GPR22: variants seen among roughly 807,000 people sequenced by gnomAD.
The protein encoded by GPR22 is G protein-coupled receptor 22, also known as G-protein coupled receptor 22.
GPR22 carries 13 observed loss-of-function variants against 31.0 expected under a neutral mutation model. The ratio of observed to expected loss-of-function variants is 0.42; its 90% CI spans 0.27 to 0.67. GPR22 has a LOEUF of 0.67. Ranked by LOEUF, GPR22 falls within the 30% of genes least tolerant of loss-of-function variation. GPR22 has a pLI of 0.25. For synonymous variants in GPR22, 191 were observed against 173.4 expected (o/e 1.10, Z -0.80); for missense variants, 368 against 509.6 (o/e 0.72, Z 2.67).
downstream of GPR22, among the ~76,000 whole-genome samples, chr7:107,476,983 C>T (rs186795551): frequency 7.9e-5 from 12 of 151,692 alleles, no homozygotes; most frequent in East Asian, 1.5e-3. Flanking sequence ...AACATAATGT[C>T]AAATCTTGGC....
chr7:107,475,893 C>A (rs183945640), downstream of GPR22, among the ~76,000 whole-genome samples: 37 of 151,260 alleles, frequency 2.4e-4, no homozygotes, highest in African/African-American at 9.0e-4. Context: ...TAATTAAGTA[C>A]GTATGAAGCT....
Position 107,475,460 on chromosome 7 carries a change from G to A in GPR22, c.*98G>A. The A allele has an allele frequency of 1.7e-6, 1 of 603,718 alleles. No homozygotes were observed. The highest frequency in any genetic ancestry group is 2.9e-6 in the Non-Finnish European group (1 of 349,116). 37.4% of individuals were successfully genotyped at this position (603,718 alleles called of 1,614,324 possible). A position where few individuals can be genotyped will look rare whatever the true frequency, so the allele number is the denominator to read the frequency against. On this transcript the variant is annotated 3_prime_UTR_variant, in exon 3 of 3. Coordinates refer to ENST00000304402, the MANE Select transcript of GPR22 (RefSeq NM_005295.3). The stretch of plus-strand genomic sequence containing the variant: ...GCCAAATATAAGAAAAATATTTTAA[G>A]TATTGGTTATGTTGTAAATTTTCAA...
chr7:107,471,062 A>T (rs533128740), intron 1 of GPR22, among the ~76,000 whole-genome samples: 12 of 152,034 alleles, frequency 7.9e-5, no homozygotes, highest in Non-Finnish European at 1.6e-4. Flanking sequence ...ATTGTTCATC[A>T]TCTCTGAAAA....
chr7:107,473,667 T>C (rs1796784501), intron 2 of GPR22, among the ~76,000 whole-genome samples: 1 of 151,944 alleles, frequency 6.6e-6, no homozygotes. Flanking sequence ...TCACAACATT[T>C]AAATGAAATT....
rs1168918134 is a variant in GPR22, at chr7:107,470,078, G to C, written c.-1325G>C. ...GGCTGTCATTCTGCAAAAGCTGCCCGAACAGGCTTTCCTCTGAAAAGCAGT... is the reference window on the plus strand; with the variant it reads ...GGCTGTCATTCTGCAAAAGCTGCCCCAACAGGCTTTCCTCTGAAAAGCAGT... On this transcript the variant is annotated 5_prime_UTR_variant, in exon 1 of 3. Coordinates refer to ENST00000304402, the MANE Select transcript of GPR22 (RefSeq NM_005295.3). 6.6e-6 allele frequency: 1 copy of C among 152,112 alleles called. No homozygotes were observed. The highest frequency in any genetic ancestry group is 1.5e-5 in the Non-Finnish European group (1 of 68,028). The allele number at this position is 152,112 out of a possible 1,614,324, so 9.4% of individuals were successfully genotyped here.
Position 107,474,456 on chromosome 7 carries a change from C to T in GPR22, c.396C>T (p.Asn132=), listed in dbSNP as rs1584870645. Residue 132 remains asparagine, a synonymous_variant, in exon 3 of 3, where the codon AAC becomes AAT. Transcript: ENST00000304402. This position sits in a 1 kb window ranked among gnomAD's most constrained non-coding sequence, Gnocchi z 5.7. Reference sequence around the variant, plus strand: ...TTGCAAGTGTCTCAACAGCAATCAACGTTTTTGCTATCACTTTGGACAGAT... The same window carrying T: ...TTGCAAGTGTCTCAACAGCAATCAATGTTTTTGCTATCACTTTGGACAGAT... ...VSFASVSTAI[N]VFAITLDRYD... The T allele has an allele frequency of 3.1e-6, 5 of 1,613,346 alleles. No individual in the cohort carries two copies. Among genetic ancestry groups the T allele is most frequent in the African/African-American group, 1.3e-5 (1 of 74,998 alleles).
At position 107,474,789 on chromosome 7, in the gene GPR22, CACAAGATTTTCA is replaced by C. The variant is rs748811290; in HGVS notation, c.733_744del (p.Arg245_Thr248del). 6.2e-7 allele frequency: 1 copy of C among 1,611,862 alleles called. No homozygotes were observed. The highest frequency in any genetic ancestry group is 8.5e-7 in the Non-Finnish European group (1 of 1,179,096). On this transcript the variant is annotated inframe_deletion, in exon 3 of 3. Coordinates refer to ENST00000304402, the MANE Select transcript of GPR22 (RefSeq NM_005295.3). The surrounding 1 kb of genome is among the most constrained non-coding windows in gnomAD (Gnocchi z 5.7). ...TTCAGGCTCTTAATATTCGAATAGG[CACAAGATTTTCA>C]ACAGGGCAGAAGAAGAAAGCAAGAA...
At chr7:107,477,148 C>A (rs189041638), downstream of GPR22, among the ~76,000 whole-genome samples, 661 of 151,676 alleles carry the variant, frequency 4.4e-3, 5 homozygotes, top group African/African-American at 0.015. Flanking sequence ...AGAAAATTTT[C>A]GTTTAGTAAA....
At chr7:107,476,264 A>G (rs773845680), downstream of GPR22, among the ~76,000 whole-genome samples, 1 of 149,382 alleles carries the variant, frequency 6.7e-6, no homozygotes, top group Non-Finnish European at 1.5e-5. Flanking sequence ...GCTCTTTTGT[A>G]TAATAGAAAG....
chr7:107,476,780 C>T (rs747036079), downstream of GPR22, among the ~76,000 whole-genome samples: 19 of 151,546 alleles, frequency 1.3e-4, no homozygotes, highest in South Asian at 4.2e-4. Context: ...AACCAAGTAG[C>T]AATTCATTTT....
downstream of GPR22, among the ~76,000 whole-genome samples, chr7:107,476,987 T>C (rs1306157222): frequency 6.6e-6 from 1 of 151,690 alleles, no homozygotes; most frequent in African/African-American, 2.4e-5. Context: ...TAATGTCAAA[T>C]CTTGGCAAAA....
Position 107,474,383 on chromosome 7 carries a change from A to C in GPR22, c.323A>C (p.Glu108Ala). The change falls in exon 3 of 3, where the codon GAG becomes GCG. Residue 108 changes from glutamate (E) to alanine (A), a missense_variant. Coordinates refer to ENST00000304402, the MANE Select transcript of GPR22 (RefSeq NM_005295.3). This position sits in a 1 kb window ranked among gnomAD's most constrained non-coding sequence, Gnocchi z 5.7. ...LTIVILLLSL[E>A]SNTALICCFH... ...ATAGTTATCCTTCTGCTTTCACTGG[A>C]GAGTAACACTGCTCTCATTTGCTGT... 1 of 1,612,778 alleles carries C rather than the reference A, an allele frequency of 6.2e-7. No homozygotes were observed. The highest frequency in any genetic ancestry group is 8.5e-7 in the Non-Finnish European group (1 of 1,179,030).
Position 107,475,216 on chromosome 7 carries a change from G to C in GPR22, c.1156G>C (p.Val386Leu), listed in dbSNP as rs1378740850. The C allele has an allele frequency of 1.9e-6, 3 of 1,611,674 alleles. No individual in the cohort carries two copies. Among genetic ancestry groups the C allele is most frequent in the Non-Finnish European group, 2.5e-6 (3 of 1,178,396 alleles). ...KVLKSKMKKR[V>L]VSIVEADPLP... ...CTTGAAAAGTAAAATGAAAAAGCGA[G>C]TTGTTTCTATAGTAGAAGCTGATCC... The change falls in exon 3 of 3, where the codon GTT becomes CTT. Residue 386 changes from valine to leucine, a missense_variant. Coordinates refer to ENST00000304402, the MANE Select transcript of GPR22 (RefSeq NM_005295.3).
chr7:107,475,258 G>A lies in GPR22; in HGVS notation c.1198G>A (p.Val400Ile), dbSNP rs1796900163. 6.2e-7 allele frequency: 1 copy of A among 1,602,244 alleles called. No homozygotes were observed. Among genetic ancestry groups the A allele is most frequent in the East Asian group, 2.2e-5 (1 of 44,798 alleles). Residue 400 changes from valine (V) to isoleucine (I), a missense_variant, in exon 3 of 3, where the codon GTA (valine) becomes ATA (isoleucine). Coordinates refer to ENST00000304402, the MANE Select transcript of GPR22 (RefSeq NM_005295.3). ...AGCTGATCCCCTGCCTAATAATGCTGTAATACACAACTCTTGGATAGATCC... is the reference window on the plus strand; with the variant it reads ...AGCTGATCCCCTGCCTAATAATGCTATAATACACAACTCTTGGATAGATCC... ...VEADPLPNNA[V>I]IHNSWIDPKR...
downstream of GPR22, chr7:107,475,718 A>G (rs1796935744): frequency 1.7e-5 from 3 of 177,864 alleles, no homozygotes; most frequent in East Asian, 5.3e-4. Context: ...TTAAGTTAAA[A>G]TGCATTGTTT....
chr7:107,476,608 A>G (rs549862770), downstream of GPR22, among the ~76,000 whole-genome samples: 5 of 151,800 alleles, frequency 3.3e-5, no homozygotes, highest in African/African-American at 4.8e-5. Flanking sequence ...GGAACCTCAT[A>G]TCAAACAAAT....
At chr7:107,477,366 G>A (rs1797053244), downstream of GPR22, among the ~76,000 whole-genome samples, 1 of 151,454 alleles carries the variant, frequency 6.6e-6, no homozygotes, top group African/African-American at 2.4e-5. Flanking sequence ...AAACTCCCTT[G>A]TGTTTTAAAT....
At chr7:107,477,545 T>C (rs980038326), downstream of GPR22, among the ~76,000 whole-genome samples, 1 of 151,826 alleles carries the variant, frequency 6.6e-6, no homozygotes, top group Non-Finnish European at 1.5e-5. Flanking sequence ...ATCATTTCTA[T>C]ACTTGACACT....
chr7:107,474,041 A>T lies in GPR22; in HGVS notation c.-20A>T, dbSNP rs1796818782. 7.1e-7 allele frequency: 1 copy of T among 1,405,904 alleles called. No homozygotes were observed. The highest frequency in any genetic ancestry group is 9.7e-7 in the Non-Finnish European group (1 of 1,026,314). 87.1% of individuals were successfully genotyped at this position (1,405,904 alleles called of 1,614,324 possible). A position where few individuals can be genotyped will look rare whatever the true frequency, so the allele number is the denominator to read the frequency against. On this transcript the variant is annotated 5_prime_UTR_variant, in exon 3 of 3. Coordinates refer to ENST00000304402, the MANE Select transcript of GPR22 (RefSeq NM_005295.3). This position sits in a 1 kb window ranked among gnomAD's most constrained non-coding sequence, Gnocchi z 5.7. ...ATTCTATTTCACTTTCTAGGGAAAA[A>T]AACCAACTGCTCCAAAAGAATGTGT...
Sources: gnomAD v4.1 joint callset for allele counts (sites outside exome capture counted in the v4.1 genomes callset) on GRCh38, gnomAD v4.1.1 for gene constraint, Gnocchi (gnomAD v3.1) non-coding constraint, MANE v1.5 for transcripts, NCBI Gene and HGNC (gene_info 2026-07-23, HGNC 2026-07-21) for gene names.